Variants in KCTD8 observed in about 807,000 individuals in gnomAD.
KCTD8 encodes BTB/POZ domain-containing protein KCTD8.
Under a neutral mutation model 31.5 loss-of-function variants are expected in KCTD8, and 27 were observed. The observed-to-expected ratio is 0.86, with a 90% CI of 0.63 to 1.18. The LOEUF (loss-of-function observed/expected upper bound fraction) is 1.18, where lower values mean the gene tolerates loss of function less well. KCTD8 is among the 50% of genes most tolerant of loss of function. The pLI, the probability that KCTD8 is intolerant of heterozygous loss-of-function variation, is 0.00. For synonymous variants in KCTD8, 290 were observed against 280.0 expected (o/e 1.04, Z -0.36); for missense variants, 658 against 647.7 (o/e 1.02, Z -0.17).
intron 1 of KCTD8, among the ~76,000 whole-genome samples, chr4:44,408,577 G>T (rs1291138934): frequency 6.6e-6 from 1 of 152,130 alleles, no homozygotes; most frequent in Non-Finnish European, 1.5e-5. Flanking sequence ...CAATTCAAAA[G>T]GTCCTGAATA....
chr4:44,216,631 A>T (rs1460685934), intron 1 of KCTD8, among the ~76,000 whole-genome samples: 1 of 152,186 alleles, frequency 6.6e-6, no homozygotes, highest in East Asian at 1.9e-4. Context: ...AGTTAAAAAA[A>T]ATGTTTTCTG....
At chr4:44,242,636 A>G (rs1290819858) in intron 1 of KCTD8, among the ~76,000 whole-genome samples, 1 of 152,114 alleles carries the variant, frequency 6.6e-6, no homozygotes, top group Non-Finnish European at 1.5e-5. Context: ...ATATAGTTTG[A>G]CTATATGTCC....
At chr4:44,413,220 C>G (rs1721000041) in intron 1 of KCTD8, among the ~76,000 whole-genome samples, 1 of 152,144 alleles carries the variant, frequency 6.6e-6, no homozygotes, top group South Asian at 2.1e-4. Context: ...AAACTGACAT[C>G]AAGTAGCATC....
intron 1 of KCTD8, among the ~76,000 whole-genome samples, chr4:44,394,229 G>A (rs558552474): frequency 4.6e-5 from 7 of 152,014 alleles, no homozygotes; most frequent in Non-Finnish European, 7.4e-5. Flanking sequence ...CACATCCATC[G>A]CCTCAGTTAA....
chr4:44,443,638 G>A (rs1316991677), intron 1 of KCTD8, among the ~76,000 whole-genome samples: 2 of 152,220 alleles, frequency 1.3e-5, no homozygotes, highest in Middle Eastern at 3.4e-3. Flanking sequence ...AGAATATCAA[G>A]TACAACCTAG....
intron 1 of KCTD8, among the ~76,000 whole-genome samples, chr4:44,321,981 T>C (rs1718307696): frequency 6.6e-6 from 1 of 152,036 alleles, no homozygotes; most frequent in South Asian, 2.1e-4. Context: ...TATACAACAT[T>C]TTCTTTGTCC....
At chr4:44,350,701 C>T (rs1465885786) in intron 1 of KCTD8, among the ~76,000 whole-genome samples, 4 of 152,098 alleles carry the variant, frequency 2.6e-5, no homozygotes, top group Non-Finnish European at 5.9e-5. Flanking sequence ...TTTAGAAGAA[C>T]ATTTGATAAC....
At chr4:44,360,272 A>G (rs1719461831) in intron 1 of KCTD8, among the ~76,000 whole-genome samples, 2 of 152,048 alleles carry the variant, frequency 1.3e-5, no homozygotes, top group African/African-American at 4.8e-5. Flanking sequence ...TATTTGCTTT[A>G]TATACTCCTG....
chr4:44,414,892 A>T (rs959367196), intron 1 of KCTD8, among the ~76,000 whole-genome samples: 2 of 152,092 alleles, frequency 1.3e-5, no homozygotes, highest in African/African-American at 4.8e-5. Context: ...GAGATTGTGG[A>T]AGCAGCCTTG....
intron 1 of KCTD8, among the ~76,000 whole-genome samples, chr4:44,309,484 ATAT>A (rs1306369154): frequency 1.3e-5 from 2 of 152,200 alleles, no homozygotes; most frequent in Non-Finnish European, 2.9e-5. Flanking sequence ...TTTACAAATT[ATAT>A]TATTCTGAGG....
intron 1 of KCTD8, among the ~76,000 whole-genome samples, chr4:44,191,601 G>T (rs757528675): frequency 3.3e-5 from 5 of 152,122 alleles, no homozygotes; most frequent in Non-Finnish European, 5.9e-5. Context: ...CTCTCTGGGA[G>T]TGTCTGTCCT....
intron 1 of KCTD8, among the ~76,000 whole-genome samples, chr4:44,179,246 A>G (rs1304828994): frequency 1.3e-5 from 2 of 151,892 alleles, no homozygotes; most frequent in African/African-American, 2.4e-5. Context: ...TGTCTTTCCA[A>G]TGACAAATAA....
At position 44,340,282 on chromosome 4, in the gene KCTD8, G is replaced by C. The variant is rs1318368311; in HGVS notation, c.961+107281C>G. On this transcript the variant is annotated intron_variant, in intron 1 of 1. Transcript: ENST00000360029. ...ATATATTTATAATACATAAAAGTTG[G>C]AGGCAACTTACATATGTACATTTTT... Among the ~76,000 whole-genome samples, 4 of 151,404 alleles carry C rather than the reference G, an allele frequency of 2.6e-5. No individual in the cohort carries two copies. The Admixed American group carries it at 2.6e-4, about 10-fold the overall frequency.
intron 1 of KCTD8, chr4:44,293,587 A>G: frequency 2.8e-6 from 1 of 359,188 alleles, no homozygotes; most frequent in African/African-American, 2.1e-5. Context: ...AATTATATTT[A>G]TTATTTTAGA....
At position 44,229,302 on chromosome 4, in the gene KCTD8, T is replaced by G. The variant is rs185371747; in HGVS notation, c.962-54052A>C. On this transcript the variant is annotated intron_variant, in intron 1 of 1. Coordinates refer to ENST00000360029, the MANE Select transcript of KCTD8 (RefSeq NM_198353.3). ...GGCAGCAGGTGCCAGGGAGAGGCTA[T>G]TTCCTGGTGGTCCACACCTGTCGTG... Among the ~76,000 whole-genome samples, 1,069 of 152,266 alleles carry G rather than the reference T, an allele frequency of 7.0e-3. 18 individuals carry two copies. The highest frequency in any genetic ancestry group is 0.024 in the African/African-American group (1,000 of 41,568).
At chr4:44,371,612 T>C (rs1384367916) in intron 1 of KCTD8, among the ~76,000 whole-genome samples, 2 of 152,166 alleles carry the variant, frequency 1.3e-5, no homozygotes, top group African/African-American at 4.8e-5. Context: ...AAAAGCAGAA[T>C]GCAAACATAT....
rs1001870158 is a variant in KCTD8 at position 44,279,888 on chromosome 4, T to C, written c.962-104638A>G. ...ATTAGATAGATTCACTAAGATGAAA[T>C]GCAACTTTTCTATTTTGATCTCATT... On this transcript the variant is annotated intron_variant, in intron 1 of 1. Coordinates refer to ENST00000360029, the MANE Select transcript of KCTD8 (RefSeq NM_198353.3). 2.6e-5 allele frequency among the ~76,000 whole-genome samples: 4 copies of C among 152,122 alleles called. No homozygotes were observed. In the East Asian group the frequency reaches 7.7e-4, roughly 29 times the overall value.
intron 1 of KCTD8, among the ~76,000 whole-genome samples, chr4:44,365,875 T>C (rs987110480): frequency 1.3e-5 from 2 of 152,112 alleles, no homozygotes; most frequent in African/African-American, 4.8e-5. Flanking sequence ...CACATGTCCA[T>C]CAAAGAGGAA....
rs141468315 is a variant in KCTD8 at position 44,293,824 on chromosome 4, C to G, written c.962-118574G>C. 2.5e-3 allele frequency: 1,112 copies of G among 453,030 alleles called. 18 individuals are homozygous for G. The Admixed American group carries it at 0.025, about 10-fold the overall frequency. 28.1% of individuals were successfully genotyped at this position (453,030 alleles called of 1,614,324 possible). A position where few individuals can be genotyped will look rare whatever the true frequency, so the allele number is the denominator to read the frequency against. Reference sequence around the variant, plus strand: ...GTAAGATTGAGCACAAAGACATCGTCAGAGAACCTGTGGAAAGCCAATCAA... The same window carrying G: ...GTAAGATTGAGCACAAAGACATCGTGAGAGAACCTGTGGAAAGCCAATCAA... On this transcript the variant is annotated intron_variant, in intron 1 of 1. Transcript: ENST00000360029.
Sources: allele counts gnomAD v4.1 joint callset (sites outside exome capture counted in the v4.1 genomes callset), GRCh38; gene constraint gnomAD v4.1.1; transcripts MANE v1.5; gene names NCBI Gene and HGNC (gene_info 2026-07-23, HGNC 2026-07-21).